Variants in WDR27 observed in about 807,000 individuals in gnomAD.
WDR27 encodes the protein WD repeat-containing protein 27.
A neutral mutation model predicts 114.4 loss-of-function variants in WDR27; 100 were observed. The observed-to-expected ratio is 0.87, with a 90% confidence interval of 0.74 to 1.03. The LOEUF (loss-of-function observed/expected upper bound fraction) is 1.03. WDR27 is among the 50% of genes least tolerant of loss of function. WDR27 has a pLI of 0.00. For missense variants in WDR27, 1,129 were observed against 1,092.9 expected, an observed-to-expected ratio of 1.03 and a Z score of -0.47; for synonymous variants, 449 against 423.1, an observed-to-expected ratio of 1.06 and a Z score of -0.75.
intron 25 of WDR27, among the ~76,000 whole-genome samples, chr6:169,532,628 T>A (rs1358997676): frequency 6.6e-6 from 1 of 152,216 alleles, no homozygotes; most frequent in Non-Finnish European, 1.5e-5. Context: ...AAGTTTTGTT[T>A]ACTTTAGTCA....
At chr6:169,519,948 G>A (rs1386911371) in intron 25 of WDR27, among the ~76,000 whole-genome samples, 1 of 152,068 alleles carries the variant, frequency 6.6e-6, no homozygotes, top group Admixed American at 6.6e-5. Flanking sequence ...AAAAAAGTGA[G>A]ATTGAGGTGG....
In WDR27 at chr6:169,457,455, G is replaced by C; in HGVS notation, c.*137C>G. Reference sequence around the variant, plus strand: ...CAGAGGGGAGGAGCTTGCAAACGGGGGAAATCTGAGGCAAGTCTCAAAATA... The same window carrying C: ...CAGAGGGGAGGAGCTTGCAAACGGGCGAAATCTGAGGCAAGTCTCAAAATA... On this transcript the variant is annotated 3_prime_UTR_variant, in exon 26 of 26. Coordinates refer to ENST00000448612, the MANE Select transcript of WDR27 (RefSeq NM_182552.5). The C allele has an allele frequency of 2.9e-6, 2 of 681,026 alleles. No homozygotes were observed. The highest frequency in any genetic ancestry group is 3.0e-5 in the East Asian group (1 of 32,806). 42.2% of individuals were successfully genotyped at this position (681,026 alleles called of 1,614,324 possible). A position where few individuals can be genotyped will look rare whatever the true frequency, so the allele number is the denominator to read the frequency against.
In WDR27 at chr6:169,605,425, G is replaced by A. The variant is rs574997933; in HGVS notation, c.2322-3104C>T. Among the ~76,000 whole-genome samples the A allele has an allele frequency of 4.6e-5, 7 of 151,500 alleles. No individual in the cohort carries two copies. In the South Asian group the frequency reaches 8.4e-4, roughly 18 times the overall value. ...CCAAGGAGGTAAAAGGTCTCAATACGGAAAACTATAAAACATCAATGAAAG... is the reference window on the plus strand; with the variant it reads ...CCAAGGAGGTAAAAGGTCTCAATACAGAAAACTATAAAACATCAATGAAAG... On this transcript the variant is annotated intron_variant, in intron 22 of 25. Transcript: ENST00000448612.
chr6:169,440,977 GTTTT>G, the WDR27 span, among the ~76,000 whole-genome samples: 1 of 151,260 alleles, frequency 6.6e-6, no homozygotes, highest in Non-Finnish European at 1.5e-5. Flanking sequence ...TTGTTGCTGG[GTTTT>G]TTTTTCTTGT....
rs117619532 is a variant in WDR27, at chr6:169,465,572, T to A, written c.2646-7938A>T. On this transcript the variant is annotated intron_variant, in intron 25 of 25. Coordinates refer to ENST00000448612, the MANE Select transcript of WDR27 (RefSeq NM_182552.5). ...ATATGCAAAAGAACTGAACGTAGGG[T>A]CTCTAGGAGATATTTCTACACTTAT... 4.2e-3 allele frequency among the ~76,000 whole-genome samples: 632 copies of A among 152,180 alleles called. 2 individuals are homozygous for A. The highest frequency in any genetic ancestry group is 0.011 in the South Asian group (52 of 4,814).
chr6:169,471,748 T>C (rs565766245), intron 25 of WDR27, among the ~76,000 whole-genome samples: 1 of 152,330 alleles, frequency 6.6e-6, no homozygotes, highest in South Asian at 2.1e-4. Flanking sequence ...GGTGATCTGT[T>C]AGTCCATCTG....
Position 169,586,847 on chromosome 6 carries a change from CAAAAAAAA to C in WDR27, c.2425-3921_2425-3914del, listed in dbSNP as rs3029697. Among the ~76,000 whole-genome samples, 26 of 32,058 alleles carry C rather than the reference CAAAAAAAA, an allele frequency of 8.1e-4. 1 individual carries two copies. Among genetic ancestry groups the C allele is most frequent in the Admixed American group, 7.1e-3 (15 of 2,104 alleles). 21.0% of individuals were successfully genotyped at this position (32,058 alleles called of 152,430 possible). On this transcript the variant is annotated intron_variant, in intron 23 of 25. Transcript: ENST00000448612. Reference sequence around the variant, plus strand: ...CTGGCGACACAGCTAGACTCTGTCTCAAAAAAAAAAAAAAAAAAAAAAAAAAAGGCAGT... The same window carrying C: ...CTGGCGACACAGCTAGACTCTGTCTCAAAAAAAAAAAAAAAAAAAGGCAGT...
Position 169,629,050 on chromosome 6 carries a change from G to A in WDR27, c.2223+3897C>T, listed in dbSNP as rs570805019. ...AAAGCTTTATATATGCAAAAGGTTAGAAACTCTTCTATTATGAAGTGGGAA... is the reference window on the plus strand; with the variant it reads ...AAAGCTTTATATATGCAAAAGGTTAAAAACTCTTCTATTATGAAGTGGGAA... On this transcript the variant is annotated intron_variant, in intron 21 of 25. Coordinates refer to ENST00000448612, the MANE Select transcript of WDR27 (RefSeq NM_182552.5). Among the ~76,000 whole-genome samples the A allele has an allele frequency of 4.6e-5, 7 of 152,218 alleles. No homozygotes were observed. The South Asian group carries it at 1.0e-3, about 23-fold the overall frequency.
intron 2 of WDR27, among the ~76,000 whole-genome samples, chr6:169,675,405 C>T (rs1779834763): frequency 6.6e-6 from 1 of 152,104 alleles, no homozygotes; most frequent in Admixed American, 6.6e-5. Flanking sequence ...TTTGTTGGTG[C>T]CATGCTTGTG....
the WDR27 span, chr6:169,427,199 A>C: frequency 6.6e-6 from 1 of 152,454 alleles, no homozygotes; most frequent in African/African-American, 2.4e-5. Flanking sequence ...GGGGAAACCG[A>C]TCATCACCGC....
chr6:169,585,805 G>A (rs530148510), intron 23 of WDR27, among the ~76,000 whole-genome samples: 13 of 152,150 alleles, frequency 8.5e-5, no homozygotes, highest in Non-Finnish European at 1.8e-4. Context: ...CCGTCTCAGC[G>A]GTGGCCGAGG....
intron 25 of WDR27, among the ~76,000 whole-genome samples, chr6:169,555,151 G>C (rs962325800): frequency 6.6e-6 from 1 of 152,128 alleles, no homozygotes; most frequent in African/African-American, 2.4e-5. Context: ...ATAAGTTGAC[G>C]GTTTACAATG....
intron 25 of WDR27, among the ~76,000 whole-genome samples, chr6:169,502,723 G>A (rs1320128916): frequency 6.6e-6 from 1 of 152,088 alleles, no homozygotes; most frequent in African/African-American, 2.4e-5. Flanking sequence ...TGGGTCACCC[G>A]GGGTGCTCTC....
chr6:169,581,038 C>A (rs555276016), intron 24 of WDR27, among the ~76,000 whole-genome samples: 1 of 150,846 alleles, frequency 6.6e-6, no homozygotes, highest in Non-Finnish European at 1.5e-5. Context: ...ACTGGTTTCT[C>A]GCTGCCTGTT....
At chr6:169,683,215 C>CA (rs1280037818) in intron 2 of WDR27, among the ~76,000 whole-genome samples, 7 of 152,060 alleles carry the variant, frequency 4.6e-5, no homozygotes, top group African/African-American at 1.7e-4. Flanking sequence ...CAAAAGTTAC[C>CA]AATAAGATTC....
chr6:169,655,176 C>A (rs1823772116), intron 13 of WDR27, among the ~76,000 whole-genome samples: 1 of 152,252 alleles, frequency 6.6e-6, no homozygotes, highest in South Asian at 2.1e-4. Flanking sequence ...ACTGGGTAAG[C>A]AGAAATTCCA....
chr6:169,471,883 C>A (rs530632556), intron 25 of WDR27, among the ~76,000 whole-genome samples: 38 of 152,276 alleles, frequency 2.5e-4, no homozygotes, highest in Admixed American at 9.8e-4. Context: ...GAGGGCTGCT[C>A]GCTGCTTCCA....
the WDR27 span, among the ~76,000 whole-genome samples, chr6:169,427,809 C>CAAAAAAAAAAAAAAAAAA: frequency 7.9e-6 from 1 of 126,614 alleles, no homozygotes; most frequent in Non-Finnish European, 1.6e-5. Flanking sequence ...AAACAACAAC[C>CAAAAAAAAAAAAAAAAAA]AAAAAAAAAA....
chr6:169,657,439 A>C (rs1824543277), intron 13 of WDR27, among the ~76,000 whole-genome samples: 1 of 152,150 alleles, frequency 6.6e-6, no homozygotes, highest in South Asian at 2.1e-4. Context: ...GAGAGGCCCA[A>C]GGGTGGGGTC....
Sources: gnomAD v4.1 joint callset for allele counts (sites outside exome capture counted in the v4.1 genomes callset) on GRCh38, gnomAD v4.1.1 for gene constraint, MANE v1.5 for transcripts, NCBI Gene and HGNC (gene_info 2026-07-23, HGNC 2026-07-21) for gene names.